The following TNIP2 variants were observed in gnomAD, a reference collection of about 807,000 sequenced individuals.
TNIP2 encodes TNFAIP3 interacting protein 2.
Under a neutral mutation model 43.7 loss-of-function variants are expected in TNIP2, and 30 were observed. That is an observed-to-expected ratio of 0.69 (90% CI 0.51 to 0.93). The LOEUF (loss-of-function observed/expected upper bound fraction) is 0.93. Ranked by LOEUF, TNIP2 falls within the 40% of genes least tolerant of loss-of-function variation. TNIP2 has a pLI of 0.00. For missense variants in TNIP2, 599 were observed against 591.0 expected (o/e 1.01, Z -0.14); for synonymous variants, 260 against 254.6 (o/e 1.02, Z -0.20).
At chr4:2,749,820 A>G (rs1344713606) in intron 1 of TNIP2, among the ~76,000 whole-genome samples, 1 of 151,884 alleles carries the variant, frequency 6.6e-6, no homozygotes, top group East Asian at 1.9e-4. Flanking sequence ...TAAAATGACA[A>G]TTTTATTTTG....
intron 1 of TNIP2, among the ~76,000 whole-genome samples, chr4:2,748,488 A>G (rs993983955): frequency 1.3e-5 from 2 of 152,084 alleles, no homozygotes; most frequent in African/African-American, 2.4e-5. Context: ...GACTACAGGC[A>G]CACGCCACCA....
At position 2,750,520 on chromosome 4, in the gene TNIP2, G is replaced by A. The variant is rs1357319694; in HGVS notation, c.277-2575C>T. 2.6e-5 allele frequency among the ~76,000 whole-genome samples: 4 copies of A among 151,888 alleles called. No individual in the cohort carries two copies. The East Asian group carries it at 7.7e-4, about 29-fold the overall frequency. ...CAGCTCACCGAAGCCTTGAACTCCT[G>A]GGTCCAAGTGTTCCTCCCGTCTCAA... On this transcript the variant is annotated intron_variant, in intron 1 of 5. Transcript: ENST00000315423.
intron 1 of TNIP2, among the ~76,000 whole-genome samples, chr4:2,748,236 C>T (rs141164371): frequency 6.6e-6 from 1 of 151,926 alleles, no homozygotes; most frequent in Non-Finnish European, 1.5e-5. Context: ...AGTGCAATGG[C>T]ACAATCTTGG....
chr4:2,748,172 A>T (rs902676919), intron 1 of TNIP2, among the ~76,000 whole-genome samples: 3 of 151,726 alleles, frequency 2.0e-5, no homozygotes, highest in Non-Finnish European at 4.4e-5. Context: ...CTGAAACTTC[A>T]TCTCAAATTT....
At chr4:2,743,301 A>AC (rs112341687) in intron 5 of TNIP2, among the ~76,000 whole-genome samples, 14,251 of 151,798 alleles carry the variant, frequency 0.094, 1,378 homozygotes, top group African/African-American at 0.25. Flanking sequence ...CAGGAACTTT[A>AC]CCCCCGGGGG....
Position 2,744,410 on chromosome 4 carries a change from G to C in TNIP2, c.1003C>G (p.Leu335Val). Reference sequence around the variant, plus strand: ...ACCTGTCTCCAGGACACCTGGTGCAGCAAAGAGGCGACCTTTTCCTCCAGT... The same window carrying C: ...ACCTGTCTCCAGGACACCTGGTGCACCAAAGAGGCGACCTTTTCCTCCAGT... ...QELEEKVASL[L>V]HQVSWRQDSR... The change falls in exon 5 of 6, where the codon CTG becomes GTG. Residue 335 changes from leucine (L) to valine (V), a missense_variant. Coordinates refer to ENST00000315423, the MANE Select transcript of TNIP2 (RefSeq NM_024309.4). The surrounding 1 kb of genome is among the most constrained non-coding windows in gnomAD (Gnocchi z 5.1). 2 of 1,614,232 alleles carry C rather than the reference G, an allele frequency of 1.2e-6. No individual in the cohort carries two copies. Among genetic ancestry groups the C allele is most frequent in the Non-Finnish European group, 1.7e-6 (2 of 1,180,034 alleles).
At chr4:2,754,705 G>A (rs990796542) in intron 1 of TNIP2, among the ~76,000 whole-genome samples, 31 of 152,174 alleles carry the variant, frequency 2.0e-4, no homozygotes, top group African/African-American at 6.0e-4. Context: ...ATGAGCCACC[G>A]CGTCCGGACC....
chr4:2,753,668 T>C, intron 1 of TNIP2, among the ~76,000 whole-genome samples: 1 of 152,094 alleles, frequency 6.6e-6, no homozygotes, highest in Non-Finnish European at 1.5e-5. Context: ...GGTTGTGAGG[T>C]CCCTGCATCC....
chr4:2,742,449 T>A lies in TNIP2; in HGVS notation c.1098A>T (p.Ala366=). 1 of 1,611,764 alleles carries A rather than the reference T, an allele frequency of 6.2e-7. No homozygotes were observed. Among genetic ancestry groups the A allele is most frequent in the Non-Finnish European group, 8.5e-7 (1 of 1,178,628 alleles). Residue 366 remains alanine, a synonymous_variant, in exon 6 of 6, where the codon GCA becomes GCT. Transcript: ENST00000315423. ...SKTAKYLAAD[A]LELMVPGGWR... Reference sequence around the variant, plus strand: ...AGCCACCAGGCACCATAAGCTCTAATGCGTCGGCGGCCAAATACTTGGCAG... The same window carrying A: ...AGCCACCAGGCACCATAAGCTCTAAAGCGTCGGCGGCCAAATACTTGGCAG...
intron 2 of TNIP2, among the ~76,000 whole-genome samples, chr4:2,746,817 C>G (rs1370741634): frequency 6.6e-6 from 1 of 152,254 alleles, no homozygotes; most frequent in Non-Finnish European, 1.5e-5. Context: ...CTGCCACACA[C>G]AGACCACCAC....
In TNIP2 at chr4:2,747,739, G is replaced by C. The variant is rs574570154; in HGVS notation, c.483C>G (p.Thr161=). ...TGGCCAGATGCTGACACATGTGGGC[G>C]GTGGCGGTCAGCGTCCTCCGCAGCT... The part of the protein sequence containing the change: ...THQLRRTLTA[T]AHMCQHLAKC... Residue 161 remains threonine (T), a synonymous_variant, in exon 2 of 6, where the codon ACC becomes ACG. Coordinates refer to ENST00000315423, the MANE Select transcript of TNIP2 (RefSeq NM_024309.4). 2 of 1,608,352 alleles carry C rather than the reference G, an allele frequency of 1.2e-6. No homozygotes were observed. The highest frequency in any genetic ancestry group is 3.3e-5 in the Admixed American group (2 of 60,018).
rs1722231701 is a variant in TNIP2, at chr4:2,756,010, G to C, written c.276+4C>G. ...CGCAGCTCCTCTGGTACCCGCCCTCGTACCTGGCGCATCTGGGCCTCGGCG... is the reference window on the plus strand; with the variant it reads ...CGCAGCTCCTCTGGTACCCGCCCTCCTACCTGGCGCATCTGGGCCTCGGCG... On this transcript the variant is annotated splice_donor_region_variant and intron_variant, in intron 1 of 5. Coordinates refer to ENST00000315423, the MANE Select transcript of TNIP2 (RefSeq NM_024309.4). 6.5e-7 allele frequency: 1 copy of C among 1,545,416 alleles called. No individual in the cohort carries two copies. The highest frequency in any genetic ancestry group is 8.6e-7 in the Non-Finnish European group (1 of 1,157,628).
In TNIP2 at chr4:2,744,017, C is replaced by T. The variant is rs1721866377; in HGVS notation, c.1026+370G>A. ...TACTGGACACCCAGGGCCATCACAT[C>T]TACATGACAAGGTAAGCGGGGTTCC... On this transcript the variant is annotated intron_variant, in intron 5 of 5. Coordinates refer to ENST00000315423, the MANE Select transcript of TNIP2 (RefSeq NM_024309.4). The surrounding 1 kb of genome is among the most constrained non-coding windows in gnomAD (Gnocchi z 5.1). Among the ~76,000 whole-genome samples, 1 of 152,222 alleles carries T rather than the reference C, an allele frequency of 6.6e-6. No homozygotes were observed. The highest frequency in any genetic ancestry group is 1.5e-5 in the Non-Finnish European group (1 of 68,046).
intron 1 of TNIP2, among the ~76,000 whole-genome samples, chr4:2,753,659 G>T (rs748449788): frequency 2.6e-5 from 4 of 152,190 alleles, no homozygotes; most frequent in Non-Finnish European, 5.9e-5. Context: ...TACTGCTCTG[G>T]TTGTGAGGTC....
At chr4:2,743,399 A>G (rs949330972) in intron 5 of TNIP2, among the ~76,000 whole-genome samples, 1 of 152,196 alleles carries the variant, frequency 6.6e-6, no homozygotes, top group African/African-American at 2.4e-5. Flanking sequence ...CGATTGTACC[A>G]ATAGTGCTCC....
rs1395418193 is a variant in TNIP2, at chr4:2,742,337, G to C, written c.1210C>G (p.Gln404Glu). Reference sequence around the variant, plus strand: ...AAGCACTGCAGGCAGTGAGGGCACTGAAGGTCCCCCTGGCCTCTCTGGGCC... The same window carrying C: ...AAGCACTGCAGGCAGTGAGGGCACTCAAGGTCCCCCTGGCCTCTCTGGGCC... ...GAAQRGQGDL[Q>E]CPHCLQCFSD... The change falls in exon 6 of 6, where the codon CAG becomes GAG. Residue 404 changes from glutamine (Q) to glutamate (E), a missense_variant. By Grantham distance (29) the Gln-to-Glu change is conservative. Transcript: ENST00000315423. 3.2e-6 allele frequency: 5 copies of C among 1,575,026 alleles called. No homozygotes were observed. Among genetic ancestry groups the C allele is most frequent in the Non-Finnish European group, 4.3e-6 (5 of 1,158,294 alleles).
At position 2,745,470 on chromosome 4, in the gene TNIP2, T is replaced by C. The variant is rs1487874907; in HGVS notation, c.633A>G (p.Arg211=). The C allele has an allele frequency of 2.5e-6, 4 of 1,613,678 alleles. No homozygotes were observed. The highest frequency in any genetic ancestry group is 3.4e-6 in the Non-Finnish European group (4 of 1,179,820). ...CGTGAGTCACCTTCTGTTTTAACAG[T>C]CGATTTTCTTCCTGCAACTTCTCAA... The part of the protein sequence containing the change: ...SVIEKLQEEN[R]LLKQKVTHVE... The change falls in exon 3 of 6, where the codon CGA becomes CGG. Residue 211 remains arginine, a synonymous_variant. Coordinates refer to ENST00000315423, the MANE Select transcript of TNIP2 (RefSeq NM_024309.4).
chr4:2,752,151 G>GAGAAA (rs1201089096), intron 1 of TNIP2, among the ~76,000 whole-genome samples: 24 of 150,040 alleles, frequency 1.6e-4, no homozygotes, highest in Non-Finnish European at 2.8e-4. Flanking sequence ...AAGAAGAGAA[G>GAGAAA]AGAAAAGAAA....
At chr4:2,748,179 A>T (rs570297306) in intron 1 of TNIP2, among the ~76,000 whole-genome samples, 3 of 145,286 alleles carry the variant, frequency 2.1e-5, no homozygotes, top group South Asian at 4.4e-4. Context: ...TTCATCTCAA[A>T]TTTTTTTTTT....
Sources: allele counts gnomAD v4.1 joint callset (sites outside exome capture counted in the v4.1 genomes callset), GRCh38; gene constraint gnomAD v4.1.1; non-coding constraint Gnocchi (gnomAD v3.1); transcripts MANE v1.5; gene names NCBI Gene and HGNC (gene_info 2026-07-23, HGNC 2026-07-21).